The following DNAH2 variants were observed in gnomAD, a reference collection of about 807,000 sequenced individuals.
The protein encoded by DNAH2 is axonemal beta dynein heavy chain 2.
Under a neutral mutation model 523.5 loss-of-function variants are expected in DNAH2, and 323 were observed. The ratio of observed to expected loss-of-function variants is 0.62; its 90% CI spans 0.56 to 0.68. DNAH2 has a LOEUF of 0.68. Ranked by LOEUF, DNAH2 falls within the 30% of genes least tolerant of loss-of-function variation. The pLI, the probability that DNAH2 is intolerant of heterozygous loss-of-function variation, is 0.00. For synonymous variants in DNAH2, 2,093 were observed against 2,177.4 expected (o/e 0.96, Z 1.08); for missense variants, 4,907 against 5,701.5 (o/e 0.86, Z 4.49).
At chr17:7,721,008 T>TC (rs973696723) in intron 2 of DNAH2, among the ~76,000 whole-genome samples, 2 of 131,172 alleles carry the variant, frequency 1.5e-5, no homozygotes, top group African/African-American at 3.1e-5. Context: ...TTCTTTCTTT[T>TC]TTTTTTTTTT....
chr17:7,741,350 C>CTTCA (rs2075342976), intron 11 of DNAH2, among the ~76,000 whole-genome samples: 1 of 128,906 alleles, frequency 7.8e-6, no homozygotes, highest in Non-Finnish European at 1.6e-5. Context: ...TCCTTCCTTC[C>CTTCA]TTCCTTCCTT....
At chr17:7,751,948 CGT>C (rs1216223548) in intron 12 of DNAH2, among the ~76,000 whole-genome samples, 2 of 83,680 alleles carry the variant, frequency 2.4e-5, no homozygotes, top group African/African-American at 4.7e-5. Context: ...TGTGTGTGTG[CGT>C]GTTTTGAGAC....
Position 7,747,587 on chromosome 17 carries a change from A to G in DNAH2, c.1904+4445A>G, listed in dbSNP as rs550126853. ...CCAGGAGACAACTTCTCTGTCTGCT[A>G]TTATCATCTCTTGTCTGGAATACCT... On this transcript the variant is annotated intron_variant, in intron 12 of 85. Transcript: ENST00000572933. Among the ~76,000 whole-genome samples, 31 of 152,276 alleles carry G rather than the reference A, an allele frequency of 2.0e-4. No homozygotes were observed. The South Asian group carries it at 6.2e-3, about 31-fold the overall frequency.
At chr17:7,749,454 C>A (rs2151174725) in intron 12 of DNAH2, among the ~76,000 whole-genome samples, 1 of 148,930 alleles carries the variant, frequency 6.7e-6, no homozygotes, top group African/African-American at 2.4e-5. Context: ...TGTTTATCAA[C>A]AGTGACAAAT....
intron 44 of DNAH2, among the ~76,000 whole-genome samples, chr17:7,790,217 A>C (rs981370797): frequency 1.3e-5 from 2 of 152,196 alleles, no homozygotes; most frequent in Non-Finnish European, 2.9e-5. Context: ...TTCCATTATT[A>C]AGTTGGTACA....
At chr17:7,728,218 G>C (rs531496946) in intron 4 of DNAH2, among the ~76,000 whole-genome samples, 1 of 152,154 alleles carries the variant, frequency 6.6e-6, no homozygotes, top group African/African-American at 2.4e-5. Context: ...CAGATGGATA[G>C]TAAAATGTTG....
Position 7,819,204 on chromosome 17 carries a change from G to C in DNAH2, c.10816-5G>C, listed in dbSNP as rs370687985. The C allele has an allele frequency of 6.2e-7, 1 of 1,613,010 alleles. No individual in the cohort carries two copies. Among genetic ancestry groups the C allele is most frequent in the Non-Finnish European group, 8.5e-7 (1 of 1,180,034 alleles). On this transcript the variant is annotated splice_region_variant and splice_polypyrimidine_tract_variant and intron_variant, in intron 71 of 85. Coordinates refer to ENST00000572933, the MANE Select transcript of DNAH2 (RefSeq NM_020877.5). ...GGCCCTGACTCCACCCATCCCCACC[G>C]GCAGGCTTACCGCCCATGCGCCCAG...
Position 7,833,544 on chromosome 17 carries a change from T to G in DNAH2, c.*11T>G. On this transcript the variant is annotated 3_prime_UTR_variant, in exon 86 of 86. Coordinates refer to ENST00000572933, the MANE Select transcript of DNAH2 (RefSeq NM_020877.5). ...AGCCTGGACAGCTGAGACCTCCTCC[T>G]CTTCTCCGCTTGAGAGAGAGGGTCA... The G allele has an allele frequency of 6.2e-7, 1 of 1,612,770 alleles. No homozygotes were observed. The highest frequency in any genetic ancestry group is 8.5e-7 in the Non-Finnish European group (1 of 1,179,900).
At chr17:7,761,721 G>A (rs1029061252) in intron 18 of DNAH2, among the ~76,000 whole-genome samples, 12 of 152,064 alleles carry the variant, frequency 7.9e-5, no homozygotes, top group African/African-American at 2.9e-4. Flanking sequence ...CTGACCTCAA[G>A]TCATCCACCC....
In DNAH2 at chr17:7,727,286, T is replaced by C. The variant is rs762100967; in HGVS notation, c.393T>C (p.Pro131=). 6 of 1,610,078 alleles carry C rather than the reference T, an allele frequency of 3.7e-6. No homozygotes were observed. The South Asian group carries it at 5.5e-5, about 15-fold the overall frequency. The change falls in exon 4 of 86, where the codon CCT becomes CCC. Residue 131 remains proline, a synonymous_variant. Transcript: ENST00000572933. ...GGCTGAAGCTAGAGCTGGGCATGCC[T>C]GTACAGGTGCGTACCCTACATTCCC... ...CFGLKLELGM[P]VQTQNQLVYF...
intron 28 of DNAH2, 102 bp downstream of exon 28, chr17:7,771,570 T>C: frequency 7.9e-7 from 1 of 1,261,620 alleles, no homozygotes; most frequent in Non-Finnish European, 1.1e-6. Context: ...CCCCCAGCTC[T>C]CCTAACATTT....
In DNAH2 at chr17:7,786,164, T is replaced by C; in HGVS notation, c.6170T>C (p.Leu2057Pro). 3 of 1,613,912 alleles carry C rather than the reference T, an allele frequency of 1.9e-6. No individual in the cohort carries two copies. The highest frequency in any genetic ancestry group is 2.5e-6 in the Non-Finnish European group (3 of 1,179,980). The change falls in exon 40 of 86, where the codon CTG becomes CCG. Residue 2057 changes from leucine (L) to proline (P), a missense_variant. Around this residue, in one of 3 missense-constraint regions of DNAH2, gnomAD observed 2,806 missense variants for 3,190.8 expected, o/e 0.88. Coordinates refer to ENST00000572933, the MANE Select transcript of DNAH2 (RefSeq NM_020877.5). This position sits in a 1 kb window ranked among gnomAD's most constrained non-coding sequence, Gnocchi z 7.5. ...GAGCAGGAGATTCGAGACATGGGCC[T>C]GCAAAGCACGCCGTTCACCCTCACC... The part of the protein sequence containing the change: ...TVEQEIRDMG[L>P]QSTPFTLTKV...
chr17:7,773,233 A>G (rs1032680576), intron 28 of DNAH2, among the ~76,000 whole-genome samples: 4 of 152,190 alleles, frequency 2.6e-5, no homozygotes, highest in African/African-American at 7.2e-5. Flanking sequence ...CATGAAGGAC[A>G]TTGGCAACCC....
Position 7,754,658 on chromosome 17 carries a change from T to G in DNAH2, c.1905-2433T>G, listed in dbSNP as rs2075785636. Reference sequence around the variant, plus strand: ...CCAAGATCCCAAAGGGTGTCAGCCATAAACTTGATCGACTTGCCTACATTG... The same window carrying G: ...CCAAGATCCCAAAGGGTGTCAGCCAGAAACTTGATCGACTTGCCTACATTG... On this transcript the variant is annotated intron_variant, in intron 12 of 85. Transcript: ENST00000572933. The surrounding 1 kb of genome is among the most constrained non-coding windows in gnomAD (Gnocchi z 4.6). The G allele has an allele frequency of 7.3e-7, 1 of 1,377,654 alleles. No individual in the cohort carries two copies. Among genetic ancestry groups the G allele is most frequent in the Admixed American group, 1.7e-5 (1 of 59,396 alleles). The allele number at this position is 1,377,654 out of a possible 1,614,324, so 85.3% of individuals were successfully genotyped here.
intron 22 of DNAH2, among the ~76,000 whole-genome samples, chr17:7,766,878 G>C (rs1043729932): frequency 6.6e-6 from 1 of 151,870 alleles, no homozygotes; most frequent in African/African-American, 2.4e-5. Context: ...TCGAACTCCT[G>C]ACCTCAGGTG....
rs1233289703 is a variant in DNAH2 at position 7,798,408 on chromosome 17, A to G, written c.8398+84A>G. ...TGACAAGAGAGGAGAGATGGCAGCC[A>G]GATGGGCAGACGTGTCTGGCCCGTG... is the stretch of plus-strand genomic sequence containing the variant. On this transcript the variant is annotated intron_variant, in intron 54 of 85. Coordinates refer to ENST00000572933, the MANE Select transcript of DNAH2 (RefSeq NM_020877.5). This position sits in a 1 kb window ranked among gnomAD's most constrained non-coding sequence, Gnocchi z 5.5. 1 of 1,540,896 alleles carries G rather than the reference A, an allele frequency of 6.5e-7. No individual in the cohort carries two copies. The highest frequency in any genetic ancestry group is 2.3e-5 in the East Asian group (1 of 43,818).
chr17:7,781,228 AC>A, intron 39 of DNAH2, 61 bp downstream of exon 39: 1 of 1,598,114 alleles, frequency 6.3e-7, no homozygotes, highest in Non-Finnish European at 8.6e-7. Flanking sequence ...TAATCCCAGC[AC>A]TTTGGGAGGC....
intron 8 of DNAH2, 62 bp from the exon 9 acceptor site, chr17:7,739,671 A>C: frequency 6.7e-7 from 1 of 1,491,602 alleles, no homozygotes; most frequent in Non-Finnish European, 9.2e-7. Context: ...GCTAAACCAA[A>C]TAGCTTAGGA....
Position 7,799,193 on chromosome 17 carries a change from A to G in DNAH2, c.8650A>G (p.Asn2884Asp), listed in dbSNP as rs548984252. Residue 2884 changes from asparagine to aspartate, a missense_variant, in exon 56 of 86, where the codon AAC (asparagine) becomes GAC (aspartate). Transcript: ENST00000572933. ...LFAYLIERVQ[N>D]NLHIVLCLSP... is the part of the protein sequence containing the mutation. The stretch of plus-strand genomic sequence containing the variant: ...CGCCTACCTCATTGAACGCGTGCAG[A>G]ACAACCTGCACATCGTGCTCTGCCT... 1 of 1,614,176 alleles carries G rather than the reference A, an allele frequency of 6.2e-7. No individual in the cohort carries two copies. The highest frequency in any genetic ancestry group is 1.1e-5 in the South Asian group (1 of 91,080).
Sources: allele counts gnomAD v4.1 joint callset (sites outside exome capture counted in the v4.1 genomes callset), GRCh38; gene constraint gnomAD v4.1.1; regional missense constraint gnomAD v4.1.1; non-coding constraint Gnocchi (gnomAD v3.1); transcripts MANE v1.5; gene names NCBI Gene and HGNC (gene_info 2026-07-23, HGNC 2026-07-21).